The following DGKH variants were observed in gnomAD, a reference collection of about 807,000 sequenced individuals.
DGKH encodes the protein diacylglycerol kinase eta.
In DGKH, 90 loss-of-function variants were observed where a neutral mutation model predicts 159.3. That is an observed-to-expected ratio of 0.57 (90% confidence interval 0.48 to 0.67). The LOEUF is 0.67. DGKH is among the 30% of genes least tolerant of loss of function. DGKH has a pLI of 0.00. For missense variants in DGKH, 1,181 were observed against 1,506.1 expected (o/e 0.78, Z 3.57); for synonymous variants, 536 against 553.8 (o/e 0.97, Z 0.45).
chr13:42,183,509 C>T (rs1956830596), intron 13 of DGKH, among the ~76,000 whole-genome samples: 1 of 152,106 alleles, frequency 6.6e-6, no homozygotes, highest in African/African-American at 2.4e-5. Context: ...TTTATTTATT[C>T]AGTGATACAA....
chr13:42,198,331 T>G (rs1186589457), intron 17 of DGKH, 147 bp from the exon 18 acceptor site: 7 of 599,150 alleles, frequency 1.2e-5, no homozygotes. Context: ...TTTTTAATTT[T>G]CATTAATGAG....
At chr13:42,167,280 C>T (rs1260556206) in intron 9 of DGKH, among the ~76,000 whole-genome samples, 1 of 152,072 alleles carries the variant, frequency 6.6e-6, no homozygotes, top group African/African-American at 2.4e-5. Context: ...TCTTAAGAGG[C>T]GATATTATGT....
At chr13:42,089,239 A>G (rs1363479222) in intron 1 of DGKH, among the ~76,000 whole-genome samples, 1 of 152,234 alleles carries the variant, frequency 6.6e-6, no homozygotes. Flanking sequence ...ATTGACTGGA[A>G]CATCATTAAC....
chr13:42,213,426 T>C (rs1235625190), intron 24 of DGKH, among the ~76,000 whole-genome samples: 2 of 152,186 alleles, frequency 1.3e-5, no homozygotes, highest in African/African-American at 4.8e-5. Flanking sequence ...TAAAAATACC[T>C]AGCAGATTTC....
chr13:42,061,988 GGTGTGTGTGT>G (rs60863220), intron 1 of DGKH, among the ~76,000 whole-genome samples: 2 of 149,678 alleles, frequency 1.3e-5, no homozygotes, highest in African/African-American at 2.5e-5. Flanking sequence ...TGTGTGTGTG[GGTGTGTGTGT>G]GTGTGTGTGT....
chr13:42,190,325 GC>G (rs1187104669), intron 15 of DGKH, 77 bp from the exon 16 acceptor site: 10 of 1,510,434 alleles, frequency 6.6e-6, no homozygotes, highest in Non-Finnish European at 7.1e-6. Context: ...GTTTCAATTT[GC>G]CTTTCCTGAG....
At chr13:42,199,334 C>T (rs894132084) in intron 18 of DGKH, among the ~76,000 whole-genome samples, 2 of 152,140 alleles carry the variant, frequency 1.3e-5, no homozygotes, top group African/African-American at 4.8e-5. Flanking sequence ...GAGAAAATCA[C>T]ACCATAACTG....
chr13:42,174,637 A>G (rs900056592), intron 12 of DGKH, among the ~76,000 whole-genome samples: 6 of 152,244 alleles, frequency 3.9e-5, no homozygotes, highest in Non-Finnish European at 7.3e-5. Flanking sequence ...GTATCCAAAC[A>G]TACCAATACT....
chr13:42,244,443 A>G (rs1958560596), downstream of DGKH, among the ~76,000 whole-genome samples: 1 of 152,208 alleles, frequency 6.6e-6, no homozygotes, highest in African/African-American at 2.4e-5. Context: ...AGTGAGCAAA[A>G]CAGAAAGGGC....
chr13:42,216,719 A>G (rs1461680052), intron 26 of DGKH: 1 of 152,248 alleles, frequency 6.6e-6, no homozygotes, highest in Non-Finnish European at 1.5e-5. Flanking sequence ...TCCTTGGGAC[A>G]AGAGGTGACT....
intron 1 of DGKH, among the ~76,000 whole-genome samples, chr13:42,041,509 A>T (rs1190740043): frequency 1.3e-5 from 2 of 152,232 alleles, no homozygotes; most frequent in African/African-American, 4.8e-5. Flanking sequence ...CTGCACACGC[A>T]ACGCGGAGGT....
intron 29 of DGKH, chr13:42,225,199 T>A: frequency 7.6e-7 from 1 of 1,322,880 alleles, no homozygotes; most frequent in Non-Finnish European, 1.0e-6. Flanking sequence ...CTGGGATTAC[T>A]GGTGTGAGCC....
At chr13:42,244,700 C>G (rs112651144), downstream of DGKH, among the ~76,000 whole-genome samples, 1 of 151,634 alleles carries the variant, frequency 6.6e-6, no homozygotes, top group African/African-American at 2.4e-5. Context: ...GTCAGGAGAT[C>G]GAGACCATCC....
intron 7 of DGKH, among the ~76,000 whole-genome samples, chr13:42,160,909 G>C (rs1438925820): frequency 1.3e-5 from 2 of 151,832 alleles, no homozygotes; most frequent in East Asian, 1.9e-4. Flanking sequence ...GTGATGTATT[G>C]CTTTCCTAAT....
At chr13:42,163,226 T>C (rs12872021) in intron 7 of DGKH, among the ~76,000 whole-genome samples, 17,813 of 151,342 alleles carry the variant, frequency 0.12, 1,500 homozygotes, top group East Asian at 0.41. Flanking sequence ...TATTCCATGG[T>C]GTATATGTGC....
intron 13 of DGKH, among the ~76,000 whole-genome samples, chr13:42,182,343 TA>T (rs2138076018): frequency 6.6e-6 from 1 of 152,360 alleles, no homozygotes; most frequent in Non-Finnish European, 1.5e-5. Flanking sequence ...TTTATTTTGC[TA>T]CAGTATCTCT....
chr13:42,186,018 TG>T (rs1956916518), intron 13 of DGKH, among the ~76,000 whole-genome samples: 1 of 96,066 alleles, frequency 1.0e-5, no homozygotes, highest in Non-Finnish European at 2.6e-5. Flanking sequence ...GTGGTGTGTG[TG>T]TGTGTGTGTG....
intron 15 of DGKH, among the ~76,000 whole-genome samples, chr13:42,190,115 A>C (rs960769523): frequency 1.3e-5 from 2 of 152,228 alleles, no homozygotes; most frequent in Non-Finnish European, 2.9e-5. Flanking sequence ...AGTATGAATA[A>C]TTAATGTTCA....
At position 42,160,076 on chromosome 13, in the gene DGKH, C is replaced by G; in HGVS notation, c.795C>G (p.Asp265Glu). The G allele has an allele frequency of 1.2e-6, 2 of 1,614,210 alleles. No homozygotes were observed. Among genetic ancestry groups the G allele is most frequent in the Middle Eastern group, 1.6e-4 (1 of 6,062 alleles). Reference protein sequence around the residue: ...LPVSAKCAVCDKTCGSVLRLQ... With the variant: ...LPVSAKCAVCEKTCGSVLRLQ... Reference sequence around the variant, plus strand: ...TAAGTGCCAAGTGTGCTGTCTGCGACAAAACATGTGGCAGTGTTCTCCGTC... The same window carrying G: ...TAAGTGCCAAGTGTGCTGTCTGCGAGAAAACATGTGGCAGTGTTCTCCGTC... Residue 265 changes from aspartate to glutamate, a missense_variant, in exon 7 of 30, where the codon GAC (aspartate) becomes GAG (glutamate). Transcript: ENST00000337343.
Sources: allele counts gnomAD v4.1 joint callset (sites outside exome capture counted in the v4.1 genomes callset), GRCh38; gene constraint gnomAD v4.1.1; transcripts MANE v1.5; gene names NCBI Gene and HGNC (gene_info 2026-07-23, HGNC 2026-07-21).